ASPM: variants seen among roughly 807,000 people sequenced by gnomAD.
The protein encoded by ASPM is assembly factor for spindle microtubules.
A neutral mutation model predicts 366.4 loss-of-function variants in ASPM; 256 were observed. That is an observed-to-expected ratio of 0.70 (90% CI 0.63 to 0.77). The LOEUF is 0.77. Ranked by LOEUF, ASPM falls within the 30% of genes least tolerant of loss-of-function variation. The pLI, the probability that ASPM is intolerant of heterozygous loss-of-function variation, is 0.00. For missense variants in ASPM, 4,146 were observed against 4,090.4 expected (o/e 1.01, Z -0.37); for synonymous variants, 1,414 against 1,342.9 (o/e 1.05, Z -1.16).
At chr1:197,127,969 T>G (rs1658138820) in intron 10 of ASPM, among the ~76,000 whole-genome samples, 1 of 151,930 alleles carries the variant, frequency 6.6e-6, no homozygotes, top group Admixed American at 6.6e-5. Context: ...ATCGAGACCA[T>G]CCTGGCTAAC....
intron 26 of ASPM, among the ~76,000 whole-genome samples, chr1:197,087,499 TACTTAACTCCAC>T (rs1295020565): frequency 6.6e-6 from 1 of 152,192 alleles, no homozygotes; most frequent in Non-Finnish European, 1.5e-5. Flanking sequence ...AAAAGTTGCA[TACTTAACTCCAC>T]ACTGAATATA....
chr1:197,091,142 A>C, intron 22 of ASPM, 101 bp from the exon 23 acceptor site: 1 of 1,045,706 alleles, frequency 9.6e-7, no homozygotes, highest in Non-Finnish European at 1.4e-6. Flanking sequence ...ATAGAACAGT[A>C]TATCAAGAAA....
chr1:197,099,386 A>C (rs529833938), intron 18 of ASPM, among the ~76,000 whole-genome samples: 2 of 151,424 alleles, frequency 1.3e-5, no homozygotes, highest in South Asian at 4.2e-4. Flanking sequence ...ATCACTTTTT[A>C]TTGTTTCTAG....
rs1658320066 is a variant in ASPM at position 197,133,335 on chromosome 1, C to T, written c.2419+15G>A. 2 of 1,599,432 alleles carry T rather than the reference C, an allele frequency of 1.3e-6. No individual in the cohort carries two copies. The highest frequency in any genetic ancestry group is 2.7e-5 in the African/African-American group (2 of 74,050). On this transcript the variant is annotated intron_variant, in intron 6 of 27. Transcript: ENST00000367409. ...TTTTAAAGAATTAATGTCAAGATTT[C>T]TGCAGTCTTCTTACCCACATCTTTC...
chr1:197,103,907 G>T lies in ASPM; in HGVS notation c.5344C>A (p.Gln1782Lys). 1 of 1,612,636 alleles carries T rather than the reference G, an allele frequency of 6.2e-7. No homozygotes were observed. The highest frequency in any genetic ancestry group is 8.5e-7 in the Non-Finnish European group (1 of 1,179,254). Residue 1782 changes from glutamine to lysine, a missense_variant, in exon 18 of 28, where the codon CAG (glutamine) becomes AAG (lysine). Gln to Lys is a moderately conservative substitution (Grantham distance 53). Coordinates refer to ENST00000367409, the MANE Select transcript of ASPM (RefSeq NM_018136.5). ...GCTTTGTATGCATGATAGTAATTCT[G>T]AATGACAATAATTGCTTTATACATT... ...LKMYKAIIVI[Q>K]NYYHAYKAQV... is the part of the protein sequence containing the mutation.
chr1:197,142,036 C>T (rs1026645406), intron 3 of ASPM, among the ~76,000 whole-genome samples: 1 of 152,074 alleles, frequency 6.6e-6, no homozygotes, highest in Non-Finnish European at 1.5e-5. Flanking sequence ...ATTCACTTAT[C>T]CATTCATTCA....
chr1:197,138,599 G>A, intron 4 of ASPM: 1 of 419,300 alleles, frequency 2.4e-6, no homozygotes, highest in Non-Finnish European at 4.4e-6. Context: ...CGCCCCACTA[G>A]GAGTTCACAC....
Position 197,084,135 on chromosome 1 carries a change from T to C in ASPM, c.*189A>G. 1.7e-6 allele frequency: 1 copy of C among 587,770 alleles called. No homozygotes were observed. Among genetic ancestry groups the C allele is most frequent in the Non-Finnish European group, 3.0e-6 (1 of 333,108 alleles). The allele number at this position is 587,770 out of a possible 1,614,324, so 36.4% of individuals were successfully genotyped here. ...AGACAGGAATAATATAATCATCTTA[T>C]GACATATTAGTTTATTACATGCATA... On this transcript the variant is annotated 3_prime_UTR_variant, in exon 28 of 28. Coordinates refer to ENST00000367409, the MANE Select transcript of ASPM (RefSeq NM_018136.5).
intron 6 of ASPM, among the ~76,000 whole-genome samples, chr1:197,132,779 A>G (rs1658303750): frequency 6.7e-6 from 1 of 150,070 alleles, no homozygotes; most frequent in Non-Finnish European, 1.5e-5. Context: ...ATTTATATAT[A>G]ATGAAGTACT....
chr1:197,132,279 G>A lies in ASPM; in HGVS notation c.2487+6C>T, dbSNP rs1482009675. 6.3e-7 allele frequency: 1 copy of A among 1,599,402 alleles called. No individual in the cohort carries two copies. Among genetic ancestry groups the A allele is most frequent in the East Asian group, 2.3e-5 (1 of 44,414 alleles). On this transcript the variant is annotated splice_donor_region_variant and intron_variant, in intron 7 of 27. Coordinates refer to ENST00000367409, the MANE Select transcript of ASPM (RefSeq NM_018136.5). ...ATTATTTTAGAAACCTGAAATATAT[G>A]CTTACCTCTAGACCAATTCGAAGCC...
At chr1:197,107,398 A>G (rs930755774) in intron 17 of ASPM, among the ~76,000 whole-genome samples, 2 of 152,150 alleles carry the variant, frequency 1.3e-5, no homozygotes, top group African/African-American at 4.8e-5. Context: ...GGCTGATGAG[A>G]ACAGGTGGCC....
intron 13 of ASPM, 65 bp from the exon 14 acceptor site, chr1:197,122,660 CAG>C: frequency 7.1e-7 from 1 of 1,414,734 alleles, no homozygotes; most frequent in Non-Finnish European, 9.8e-7. Context: ...TAATGGTTTG[CAG>C]AATACCTGTG....
intron 17 of ASPM, among the ~76,000 whole-genome samples, chr1:197,117,310 A>G (rs1287007046): frequency 1.3e-5 from 2 of 152,038 alleles, no homozygotes; most frequent in African/African-American, 4.8e-5. Context: ...TTAAGTCAGT[A>G]TTATATATTT....
At chr1:197,118,392 T>C (rs1367942457) in intron 16 of ASPM, among the ~76,000 whole-genome samples, 9 of 152,082 alleles carry the variant, frequency 5.9e-5, no homozygotes, top group Non-Finnish European at 1.5e-5. Context: ...TGTAACAATT[T>C]GAACAAAGCA....
rs567452048 is a variant in ASPM at position 197,139,447 on chromosome 1, A to G, written c.2026+320T>C. On this transcript the variant is annotated intron_variant, in intron 4 of 27. Coordinates refer to ENST00000367409, the MANE Select transcript of ASPM (RefSeq NM_018136.5). ...CCGTCTCCACTAAAAATACAAAAAA[A>G]TTAGCCGGGCATGGTCGTGGGTGCC... 7.2e-5 allele frequency: 40 copies of G among 553,790 alleles called. No individual in the cohort carries two copies. The East Asian group carries it at 1.1e-3, about 16-fold the overall frequency. 34.3% of individuals were successfully genotyped at this position (553,790 alleles called of 1,614,324 possible).
Position 197,100,895 on chromosome 1 carries a change from C to A in ASPM, c.8356G>T (p.Ala2786Ser), listed in dbSNP as rs1657142439. ...ATCATAACACCTTCACTTTGAACAG[C>A]TTCATACTGAGTTTTACTTCTGTAA... ...CCYRSKTQYEAVQSEGVMIQE... is the reference protein window; with the variant it reads ...CCYRSKTQYESVQSEGVMIQE... Residue 2786 changes from alanine to serine, a missense_variant, in exon 18 of 28, where the codon GCT becomes TCT. By Grantham distance (99) the Ala-to-Ser change is moderately conservative (BLOSUM62 1). Coordinates refer to ENST00000367409, the MANE Select transcript of ASPM (RefSeq NM_018136.5). 3.1e-6 allele frequency: 5 copies of A among 1,612,716 alleles called. No individual in the cohort carries two copies. Among genetic ancestry groups the A allele is most frequent in the Non-Finnish European group, 4.2e-6 (5 of 1,179,176 alleles).
At chr1:197,131,701 C>T (rs1010224266) in intron 7 of ASPM, among the ~76,000 whole-genome samples, 5 of 151,822 alleles carry the variant, frequency 3.3e-5, no homozygotes, top group Admixed American at 6.6e-5. Context: ...TGGGACTACA[C>T]GCGCCCACCA....
intron 17 of ASPM, among the ~76,000 whole-genome samples, chr1:197,107,165 C>G (rs1443839994): frequency 6.6e-6 from 1 of 152,000 alleles, no homozygotes; most frequent in East Asian, 1.9e-4. Flanking sequence ...GGGAAGCAAT[C>G]TGATAATGTT....
chr1:197,139,373 T>A (rs1255685646), intron 4 of ASPM: 1 of 589,912 alleles, frequency 1.7e-6, no homozygotes, highest in Non-Finnish European at 3.0e-6. Flanking sequence ...AGGGGAGGGA[T>A]CACGAGGTCA....
Sources: allele counts gnomAD v4.1 joint callset (sites outside exome capture counted in the v4.1 genomes callset), GRCh38; gene constraint gnomAD v4.1.1; transcripts MANE v1.5; gene names NCBI Gene and HGNC (gene_info 2026-07-23, HGNC 2026-07-21).